Variants in ZC3H7B observed in about 807,000 individuals in gnomAD.
ZC3H7B encodes the protein zinc finger CCCH-type containing 7B.
ZC3H7B carries 35 observed loss-of-function variants against 116.0 expected under a neutral mutation model. That is an observed-to-expected ratio of 0.30 (90% CI 0.23 to 0.40). The LOEUF is 0.40. Among genes scored for constraint, ZC3H7B ranks in the 10% least tolerant of loss-of-function variants. The probability of loss-of-function intolerance (pLI) is 1.00; values close to 1 mark genes in which losing one functional copy is unlikely to be tolerated. For missense variants in ZC3H7B, 1,011 were observed against 1,321.5 expected (o/e 0.77, Z 3.64); for synonymous variants, 502 against 545.6 (o/e 0.92, Z 1.11).
At chr22:41,320,096 G>GTCC in intron 1 of ZC3H7B, among the ~76,000 whole-genome samples, 1 of 151,664 alleles carries the variant, frequency 6.6e-6, no homozygotes, top group East Asian at 2.0e-4. Context: ...ACCTTGGGAG[G>GTCC]CTGAGGCAGA....
In ZC3H7B at chr22:41,357,509, A is replaced by C; in HGVS notation, c.*80A>C. 1.3e-5 allele frequency: 7 copies of C among 521,880 alleles called. No individual in the cohort carries two copies. The highest frequency in any genetic ancestry group is 2.2e-5 in the Non-Finnish European group (7 of 315,792). 32.3% of individuals were successfully genotyped at this position (521,880 alleles called of 1,614,324 possible). Reference sequence around the variant, plus strand: ...GAAGGCCTGATAGAAGGGTCAGGGCAGGCCAGGGGGGTGGGGGGCCGCCCT... The same window carrying C: ...GAAGGCCTGATAGAAGGGTCAGGGCCGGCCAGGGGGGTGGGGGGCCGCCCT... On this transcript the variant is annotated 3_prime_UTR_variant, in exon 23 of 23. Coordinates refer to ENST00000352645, the MANE Select transcript of ZC3H7B (RefSeq NM_017590.6). This position sits in a 1 kb window ranked among gnomAD's most constrained non-coding sequence, Gnocchi z 5.4.
chr22:41,332,151 C>T lies in ZC3H7B; in HGVS notation c.526-20C>T. The stretch of plus-strand genomic sequence containing the variant: ...TTTCAGAATCTTTACCTCTGCCCAC[C>T]TCTCTCCAATCTCTGGCAGGAATTG... On this transcript the variant is annotated intron_variant, in intron 6 of 22. Coordinates refer to ENST00000352645, the MANE Select transcript of ZC3H7B (RefSeq NM_017590.6). 6.2e-7 allele frequency: 1 copy of T among 1,613,998 alleles called. No individual in the cohort carries two copies. Among genetic ancestry groups the T allele is most frequent in the South Asian group, 1.1e-5 (1 of 91,060 alleles).
At chr22:41,340,413 C>G (rs542742506) in intron 10 of ZC3H7B, among the ~76,000 whole-genome samples, 12 of 152,076 alleles carry the variant, frequency 7.9e-5, no homozygotes, top group Middle Eastern at 3.4e-3. Context: ...GCCCAGCCTC[C>G]CGGGACCCTG....
chr22:41,357,063 C>A lies in ZC3H7B; in HGVS notation c.2682-114C>A. On this transcript the variant is annotated intron_variant, in intron 22 of 22. Transcript: ENST00000352645. This position sits in a 1 kb window ranked among gnomAD's most constrained non-coding sequence, Gnocchi z 5.4. Reference sequence around the variant, plus strand: ...ACCCAGGTTTTCCCTGAGCTGGGACCCAGCTGCCCAGGGAGAGGCTTGTCT... The same window carrying A: ...ACCCAGGTTTTCCCTGAGCTGGGACACAGCTGCCCAGGGAGAGGCTTGTCT... 1 of 1,503,668 alleles carries A rather than the reference C, an allele frequency of 6.7e-7. No homozygotes were observed. The allele number at this position is 1,503,668 out of a possible 1,614,324, so 93.1% of individuals were successfully genotyped here.
intron 6 of ZC3H7B, among the ~76,000 whole-genome samples, chr22:41,331,200 G>T (rs1027955970): frequency 1.4e-5 from 2 of 146,860 alleles, no homozygotes; most frequent in African/African-American, 5.0e-5. Flanking sequence ...GGTGAGCCAA[G>T]ATCGCACCAT....
intron 7 of ZC3H7B, chr22:41,334,621 T>C (rs1314153092): frequency 6.6e-6 from 1 of 152,334 alleles, no homozygotes; most frequent in African/African-American, 2.4e-5. Flanking sequence ...TTGCCCAACA[T>C]GGTACAGCAC....
At position 41,327,426 on chromosome 22, in the gene ZC3H7B, C is replaced by G; in HGVS notation, c.444+62C>G. 1 of 1,576,706 alleles carries G rather than the reference C, an allele frequency of 6.3e-7. No individual in the cohort carries two copies. The highest frequency in any genetic ancestry group is 8.6e-7 in the Non-Finnish European group (1 of 1,165,676). On this transcript the variant is annotated intron_variant, in intron 5 of 22. Coordinates refer to ENST00000352645, the MANE Select transcript of ZC3H7B (RefSeq NM_017590.6). The surrounding 1 kb of genome is among the most constrained non-coding windows in gnomAD (Gnocchi z 4.5). ...AGAGGCCAGGCTTCTGACCTTCCGG[C>G]CCTCACTTGGGCCCAGCCACCACAT...
chr22:41,316,356 C>T (rs540278352), intron 1 of ZC3H7B, among the ~76,000 whole-genome samples: 3 of 150,954 alleles, frequency 2.0e-5, no homozygotes, highest in East Asian at 3.9e-4. Flanking sequence ...AGTGCAGCGG[C>T]GTGATCTTGG....
At chr22:41,354,735 GC>G (rs2036691414) in intron 17 of ZC3H7B, among the ~76,000 whole-genome samples, 1 of 152,132 alleles carries the variant, frequency 6.6e-6, no homozygotes, top group South Asian at 2.1e-4. Context: ...CCTACCTCTG[GC>G]CCCCAACCCT....
Position 41,341,143 on chromosome 22 carries a change from C to T in ZC3H7B, c.1194C>T (p.Pro398=). ...RPPSGAQKPA[P]SPEPCMPNTA... is the part of the protein sequence containing the mutation. ...CTAGCGGTGCTCAGAAACCAGCCCC[C>T]TCGGTGAGTGACTTGAGTGGGGATC... The change falls in exon 11 of 23, where the codon CCC becomes CCT. Residue 398 remains proline (P), a synonymous_variant. Transcript: ENST00000352645. 6.2e-7 allele frequency: 1 copy of T among 1,614,010 alleles called. No homozygotes were observed. The highest frequency in any genetic ancestry group is 8.5e-7 in the Non-Finnish European group (1 of 1,179,910).
In ZC3H7B at chr22:41,348,414, T is replaced by G. The variant is rs113951541; in HGVS notation, c.1766+247T>G. Among the ~76,000 whole-genome samples, 176 of 152,212 alleles carry G rather than the reference T, an allele frequency of 1.2e-3. 2 individuals are homozygous for G. The highest frequency in any genetic ancestry group is 4.0e-3 in the African/African-American group (165 of 41,536). Reference sequence around the variant, plus strand: ...TCTTAGCAATCCTGTGAGGGAGGAGTTACTGGCCCTGTTGTACAGAACAAA... The same window carrying G: ...TCTTAGCAATCCTGTGAGGGAGGAGGTACTGGCCCTGTTGTACAGAACAAA... On this transcript the variant is annotated intron_variant, in intron 15 of 22. Transcript: ENST00000352645.
intron 7 of ZC3H7B, chr22:41,336,246 G>C (rs1196323532): frequency 6.6e-6 from 1 of 152,324 alleles, no homozygotes; most frequent in Non-Finnish European, 1.5e-5. Flanking sequence ...AATCAACACA[G>C]GCCGGGCACG....
chr22:41,356,287 G>C, intron 20 of ZC3H7B, 56 bp from the exon 21 acceptor site: 1 of 1,609,644 alleles, frequency 6.2e-7, no homozygotes, highest in Non-Finnish European at 8.5e-7. Flanking sequence ...GGGACCATGG[G>C]GCAGAATGGA....
Position 41,357,566 on chromosome 22 carries a change from G to A in ZC3H7B, c.*137G>A, listed in dbSNP as rs1240707995. Reference sequence around the variant, plus strand: ...GCAGCCCCCAGCCCCCTGAGGCCCTGTCCATCTTCTCCCCACCACCGCCCC... The same window carrying A: ...GCAGCCCCCAGCCCCCTGAGGCCCTATCCATCTTCTCCCCACCACCGCCCC... On this transcript the variant is annotated 3_prime_UTR_variant, in exon 23 of 23. Transcript: ENST00000352645. The surrounding 1 kb of genome is among the most constrained non-coding windows in gnomAD (Gnocchi z 5.4). 20 of 1,116,738 alleles carry A rather than the reference G, an allele frequency of 1.8e-5. No individual in the cohort carries two copies. Among genetic ancestry groups the A allele is most frequent in the East Asian group, 5.2e-5 (2 of 38,832 alleles). 69.2% of individuals were successfully genotyped at this position (1,116,738 alleles called of 1,614,324 possible).
chr22:41,313,832 G>T (rs568771511), intron 1 of ZC3H7B, among the ~76,000 whole-genome samples: 1 of 151,212 alleles, frequency 6.6e-6, no homozygotes, highest in South Asian at 2.1e-4. Flanking sequence ...AACTTCCTTC[G>T]GTCTTTCGGG....
In ZC3H7B at chr22:41,349,025, G is replaced by C. The variant is rs527862661; in HGVS notation, c.1767-95G>C. On this transcript the variant is annotated intron_variant, in intron 15 of 22. Coordinates refer to ENST00000352645, the MANE Select transcript of ZC3H7B (RefSeq NM_017590.6). This position sits in a 1 kb window ranked among gnomAD's most constrained non-coding sequence, Gnocchi z 4.9. ...TGGTACATAGATCAGGGGGTGCCCA[G>C]GGAGAGCCTGGCACTGGGAAGGTGG... The C allele has an allele frequency of 7.3e-6, 10 of 1,373,678 alleles. No homozygotes were observed. The highest frequency in any genetic ancestry group is 2.5e-5 in the East Asian group (1 of 40,312). 85.1% of individuals were successfully genotyped at this position (1,373,678 alleles called of 1,614,324 possible). A position where few individuals can be genotyped will look rare whatever the true frequency, so the allele number is the denominator to read the frequency against.
At position 41,352,316 on chromosome 22, in the gene ZC3H7B, T is replaced by C. The variant is rs1213612798; in HGVS notation, c.2034+670T>C. 2.6e-5 allele frequency among the ~76,000 whole-genome samples: 4 copies of C among 152,226 alleles called. No individual in the cohort carries two copies. In the East Asian group the frequency reaches 7.7e-4, roughly 29 times the overall value. ...CATCAGGGGATGCGTCATCTCAGTG[T>C]GTCCCTTCACTGGTGACAATCTAAT... On this transcript the variant is annotated intron_variant, in intron 17 of 22. Coordinates refer to ENST00000352645, the MANE Select transcript of ZC3H7B (RefSeq NM_017590.6).
chr22:41,304,028 A>G (rs760806735), intron 1 of ZC3H7B, among the ~76,000 whole-genome samples: 1 of 152,084 alleles, frequency 6.6e-6, no homozygotes, highest in Non-Finnish European at 1.5e-5. Context: ...AAGTGCTGGG[A>G]TTACAGGCGT....
chr22:41,344,755 C>T (rs2036563858), intron 13 of ZC3H7B, among the ~76,000 whole-genome samples: 1 of 152,200 alleles, frequency 6.6e-6, no homozygotes, highest in Non-Finnish European at 1.5e-5. Context: ...GCTCCAGGTT[C>T]TGAGCCACCT....
Sources: allele counts gnomAD v4.1 joint callset (sites outside exome capture counted in the v4.1 genomes callset), GRCh38; gene constraint gnomAD v4.1.1; non-coding constraint Gnocchi (gnomAD v3.1); transcripts MANE v1.5; gene names NCBI Gene and HGNC (gene_info 2026-07-23, HGNC 2026-07-21).